Variants in FNDC3A observed in about 807,000 individuals in gnomAD.
FNDC3A encodes fibronectin type-III domain-containing protein 3A.
In FNDC3A, 32 loss-of-function variants were observed where a neutral mutation model predicts 148.9. The observed-to-expected ratio is 0.21, with a 90% CI of 0.16 to 0.29. The LOEUF is 0.29. Among genes scored for constraint, FNDC3A ranks in the 10% least tolerant of loss-of-function variants. The probability of loss-of-function intolerance (pLI) is 1.00; values close to 1 mark genes in which losing one functional copy is unlikely to be tolerated. For missense variants in FNDC3A, 1,191 were observed against 1,452.8 expected, an observed-to-expected ratio of 0.82 and a Z score of 2.93; for synonymous variants, 472 against 473.6, an observed-to-expected ratio of 1.00 and a Z score of 0.04.
chr13:49,131,138 T>C lies in FNDC3A; in HGVS notation c.254T>C (p.Val85Ala). 6.2e-7 allele frequency: 1 copy of C among 1,605,140 alleles called. No individual in the cohort carries two copies. The highest frequency in any genetic ancestry group is 8.5e-7 in the Non-Finnish European group (1 of 1,171,814). ...IYVPPGYAPQ[V>A]IEDNGVRRVV... ...TTTAATCTGATGTTCATTTTGTAGG[T>C]TATTGAAGACAATGGTGTTCGAAGA... The change falls in exon 5 of 26, where the codon GTT (valine) becomes GCT (alanine). Residue 85 changes from valine (V) to alanine (A), a missense_variant and splice_region_variant. Val to Ala is a moderately conservative substitution (Grantham distance 64). Transcript: ENST00000492622.
Position 49,191,396 on chromosome 13 carries a change from G to C in FNDC3A, c.2226+12G>C. The C allele has an allele frequency of 6.4e-7, 1 of 1,557,746 alleles. No homozygotes were observed. Among genetic ancestry groups the C allele is most frequent in the Non-Finnish European group, 8.7e-7 (1 of 1,155,264 alleles). On this transcript the variant is annotated intron_variant, in intron 19 of 25. Coordinates refer to ENST00000492622, the MANE Select transcript of FNDC3A (RefSeq NM_001079673.2). ...CTAACAAAATGGGGGTAAGAAGACT[G>C]TGCTGGTAGAATTATAATCACAATG... is the stretch of plus-strand genomic sequence containing the variant.
At chr13:49,187,740 CCTT>C in intron 16 of FNDC3A, 1 of 1,049,224 alleles carries the variant, frequency 9.5e-7, no homozygotes. Context: ...CTCACCAAGA[CCTT>C]TTTTTTTTCC....
At chr13:49,059,204 C>CA (rs942686932) in intron 2 of FNDC3A, among the ~76,000 whole-genome samples, 18 of 151,842 alleles carry the variant, frequency 1.2e-4, no homozygotes, top group African/African-American at 2.7e-4. Context: ...ACATCATATA[C>CA]AAAAAAAATT....
chr13:48,996,599 A>G (rs932839821), intron 1 of FNDC3A, among the ~76,000 whole-genome samples: 2 of 152,244 alleles, frequency 1.3e-5, no homozygotes, highest in Non-Finnish European at 2.9e-5. Context: ...CAACATTTAT[A>G]TAAGGAGCTT....
chr13:49,055,922 C>T (rs931983509), intron 2 of FNDC3A, among the ~76,000 whole-genome samples: 2 of 152,050 alleles, frequency 1.3e-5, no homozygotes, highest in African/African-American at 2.4e-5. Context: ...TGTGGTGGCT[C>T]ACACCTGTAA....
chr13:49,201,735 T>C, intron 23 of FNDC3A, 65 bp from the exon 24 acceptor site: 1 of 818,424 alleles, frequency 1.2e-6, no homozygotes, highest in Non-Finnish European at 1.8e-6. Flanking sequence ...TACTAGTTTG[T>C]AAAACACTTT....
intron 1 of FNDC3A, among the ~76,000 whole-genome samples, chr13:48,993,904 A>G (rs1402984058): frequency 6.6e-6 from 1 of 152,234 alleles, no homozygotes; most frequent in Non-Finnish European, 1.5e-5. Context: ...AATGGTAGAT[A>G]GTAATGAAGT....
rs565536999 is a variant in FNDC3A, at chr13:49,093,311, C to T, written c.175+17947C>T. Among the ~76,000 whole-genome samples the T allele has an allele frequency of 4.6e-5, 7 of 152,286 alleles. No individual in the cohort carries two copies. The East Asian group carries it at 9.6e-4, about 21-fold the overall frequency. ...AACAATAGAATTGTCTTTATTTCAG[C>T]ACTTAGTCATTTCTAATTGCACAGA... On this transcript the variant is annotated intron_variant, in intron 3 of 25. Transcript: ENST00000492622.
At chr13:49,049,397 T>G (rs1225439380) in intron 2 of FNDC3A, among the ~76,000 whole-genome samples, 1 of 152,198 alleles carries the variant, frequency 6.6e-6, no homozygotes, top group Non-Finnish European at 1.5e-5. Flanking sequence ...CAATTCTTCT[T>G]TGAATGTCTG....
At chr13:49,032,693 G>A (rs1057391285) in intron 2 of FNDC3A, among the ~76,000 whole-genome samples, 15 of 151,904 alleles carry the variant, frequency 9.9e-5, no homozygotes, top group Middle Eastern at 3.4e-3. Context: ...CCGAGACCGC[G>A]CCACTGCACT....
At chr13:49,166,721 G>T (rs942036750) in intron 8 of FNDC3A, among the ~76,000 whole-genome samples, 1 of 152,132 alleles carries the variant, frequency 6.6e-6, no homozygotes, top group Admixed American at 6.5e-5. Flanking sequence ...GATTGCAGCC[G>T]AGCAGGCTTA....
chr13:49,192,496 C>T (rs1284793951), intron 19 of FNDC3A, among the ~76,000 whole-genome samples: 3 of 152,048 alleles, frequency 2.0e-5, no homozygotes, highest in African/African-American at 7.2e-5. Flanking sequence ...AGGGTTTTGT[C>T]ATGTTGCCCA....
chr13:49,022,613 A>G (rs1013687393), intron 2 of FNDC3A, among the ~76,000 whole-genome samples: 5 of 152,128 alleles, frequency 3.3e-5, no homozygotes, highest in African/African-American at 1.2e-4. Context: ...TTTTGTGACA[A>G]TAATTTTGTG....
intron 1 of FNDC3A, among the ~76,000 whole-genome samples, chr13:48,993,975 T>TA (rs1951972553): frequency 6.6e-6 from 1 of 152,246 alleles, no homozygotes; most frequent in East Asian, 1.9e-4. Flanking sequence ...ACTAGAATGA[T>TA]ATTACATTTG....
At chr13:48,994,886 G>A (rs1380563043) in intron 1 of FNDC3A, among the ~76,000 whole-genome samples, 1 of 152,158 alleles carries the variant, frequency 6.6e-6, no homozygotes, top group East Asian at 1.9e-4. Context: ...CTGGTCATGA[G>A]TTGAAGCTGG....
intron 5 of FNDC3A, among the ~76,000 whole-genome samples, chr13:49,135,609 G>A (rs1882309955): frequency 6.6e-6 from 1 of 152,032 alleles, no homozygotes; most frequent in Non-Finnish European, 1.5e-5. Flanking sequence ...ATTTTCTTAA[G>A]GCACTGCTAA....
intron 1 of FNDC3A, chr13:48,976,574 C>T (rs1951604186): frequency 6.6e-6 from 1 of 151,876 alleles, no homozygotes; most frequent in Non-Finnish European, 1.5e-5. Context: ...CGCGTAGCTC[C>T]GGAGGGCTCG....
chr13:49,204,350 G>A (rs1166341719), intron 25 of FNDC3A, among the ~76,000 whole-genome samples: 1 of 152,006 alleles, frequency 6.6e-6, no homozygotes, highest in Non-Finnish European at 1.5e-5. Flanking sequence ...TTAATTTTGA[G>A]GGCTTTTAAG....
intron 25 of FNDC3A, among the ~76,000 whole-genome samples, chr13:49,206,512 C>G (rs368188337): frequency 6.6e-6 from 1 of 152,124 alleles, no homozygotes; most frequent in Non-Finnish European, 1.5e-5. Flanking sequence ...GAATTTCATT[C>G]TTTTTATTTC....
Sources: gnomAD v4.1 joint callset for allele counts (sites outside exome capture counted in the v4.1 genomes callset) on GRCh38, gnomAD v4.1.1 for gene constraint, MANE v1.5 for transcripts, NCBI Gene and HGNC (gene_info 2026-07-23, HGNC 2026-07-21) for gene names.